Variants in PPM1K observed in about 807,000 individuals in gnomAD.
The protein encoded by PPM1K is protein phosphatase, Mg2+/Mn2+ dependent 1K.
Under a neutral mutation model 32.6 loss-of-function variants are expected in PPM1K, and 19 were observed. The ratio of observed to expected loss-of-function variants is 0.58; its 90% CI spans 0.41 to 0.86. PPM1K has a LOEUF of 0.86. Ranked by LOEUF, PPM1K falls within the 40% of genes least tolerant of loss-of-function variation. PPM1K has a pLI of 0.00. For missense variants in PPM1K, 362 were observed against 461.2 expected (o/e 0.78, Z 1.97); for synonymous variants, 159 against 165.3 (o/e 0.96, Z 0.29).
chr4:88,279,846 T>C (rs1199269085), intron 1 of PPM1K: 1 of 152,246 alleles, frequency 6.6e-6, no homozygotes, highest in East Asian at 1.9e-4. Flanking sequence ...TAGTATATTA[T>C]TCTCAATCTT....
At chr4:88,277,102 T>A in intron 3 of PPM1K, 41 bp downstream of exon 3, 8 of 1,430,174 alleles carry the variant, frequency 5.6e-6, no homozygotes, top group South Asian at 1.1e-5. Flanking sequence ...CCCCACCCCA[T>A]GTACTCCCTA....
At position 88,278,164 on chromosome 4, in the gene PPM1K, G is replaced by C. The variant is rs1394540204; in HGVS notation, c.420C>G (p.Thr140=). ...GGPAAADFCH[T]HMEKCIMDLL... ...CATACATAATACATTTCTCCATGTG[G>C]GTATGACAGAAATCAGCTGCTGCAG... Residue 140 remains threonine (T), a synonymous_variant, in exon 2 of 7, where the codon ACC becomes ACG. Transcript: ENST00000608933. The surrounding 1 kb of genome is among the most constrained non-coding windows in gnomAD (Gnocchi z 4.2). 2 of 1,613,666 alleles carry C rather than the reference G, an allele frequency of 1.2e-6. No individual in the cohort carries two copies. The highest frequency in any genetic ancestry group is 1.1e-5 in the South Asian group (1 of 91,066).
intron 1 of PPM1K, among the ~76,000 whole-genome samples, chr4:88,280,392 G>A (rs1366306614): frequency 6.6e-6 from 1 of 152,226 alleles, no homozygotes; most frequent in African/African-American, 2.4e-5. Context: ...TGCATAGAAG[G>A]CTGAAATTCA....
At chr4:88,283,806 C>T (rs914364382) in intron 1 of PPM1K, 1 of 152,390 alleles carries the variant, frequency 6.6e-6, no homozygotes, top group Non-Finnish European at 1.5e-5. Flanking sequence ...GGCCTCGGCT[C>T]GCTGGCCCTG....
chr4:88,262,753 A>G, intron 6 of PPM1K, 27 bp from the exon 7 acceptor site: 2 of 1,586,308 alleles, frequency 1.3e-6, no homozygotes, highest in South Asian at 2.3e-5. Flanking sequence ...GAAGAAAGAG[A>G]AAAACATTGG....
intron 5 of PPM1K, among the ~76,000 whole-genome samples, chr4:88,265,393 A>T (rs570702258): frequency 6.6e-6 from 1 of 152,294 alleles, no homozygotes; most frequent in Admixed American, 6.5e-5. Flanking sequence ...CATAATAGTG[A>T]AGTCTCACAA....
Position 88,278,172 on chromosome 4 carries a change from A to G in PPM1K, c.412T>C (p.Cys138Arg). The change falls in exon 2 of 7, where the codon TGT (cysteine) becomes CGT (arginine). Residue 138 changes from cysteine to arginine, a missense_variant. Coordinates refer to ENST00000608933, the MANE Select transcript of PPM1K (RefSeq NM_152542.5). The surrounding 1 kb of genome is among the most constrained non-coding windows in gnomAD (Gnocchi z 4.2). ...ATACATTTCTCCATGTGGGTATGAC[A>G]GAAATCAGCTGCTGCAGGTCCACCG... ...GHGGPAAADF[C>R]HTHMEKCIMD... 6.2e-7 allele frequency: 1 copy of G among 1,614,030 alleles called. No homozygotes were observed. The highest frequency in any genetic ancestry group is 8.5e-7 in the Non-Finnish European group (1 of 1,179,888).
At chr4:88,271,022 A>G in intron 3 of PPM1K, 1 of 509,324 alleles carries the variant, frequency 2.0e-6, no homozygotes, top group South Asian at 1.4e-5. Context: ...ACTGCAAGTC[A>G]TCTCAACTAA....
Position 88,268,222 on chromosome 4 carries a change from C to T in PPM1K, c.820G>A (p.Val274Ile). 1 of 1,614,164 alleles carries T rather than the reference C, an allele frequency of 6.2e-7. No individual in the cohort carries two copies. The highest frequency in any genetic ancestry group is 8.5e-7 in the Non-Finnish European group (1 of 1,180,016). Residue 274 changes from valine to isoleucine, a missense_variant, in exon 5 of 7, where the codon GTC (valine) becomes ATC (isoleucine). Coordinates refer to ENST00000608933, the MANE Select transcript of PPM1K (RefSeq NM_152542.5). ...CTCTTAGTTTCAGGTTCTGCTATGA[C>T]ACCACTGGTCTTAAGGTCCAAATCT... The part of the protein sequence containing the change: ...IGDLDLKTSG[V>I]IAEPETKRIK...
At chr4:88,270,170 T>G (rs1731499182) in intron 3 of PPM1K, among the ~76,000 whole-genome samples, 3 of 152,194 alleles carry the variant, frequency 2.0e-5, no homozygotes, top group Non-Finnish European at 4.4e-5. Flanking sequence ...AAAAGATAAT[T>G]TTGAAAACTT....
rs1330995912 is a variant in PPM1K, at chr4:88,261,693, T to C, written c.*902A>G. On this transcript the variant is annotated 3_prime_UTR_variant, in exon 7 of 7. Coordinates refer to ENST00000608933, the MANE Select transcript of PPM1K (RefSeq NM_152542.5). ...ATCATCTGAATTAATTTCTTTTCTT[T>C]CTTTTTTTTTTTTTTTTTGAGATGG... The C allele has an allele frequency of 1.3e-5, 2 of 150,500 alleles. No individual in the cohort carries two copies. Among genetic ancestry groups the C allele is most frequent in the Non-Finnish European group, 3.0e-5 (2 of 67,664 alleles). 9.3% of individuals were successfully genotyped at this position (150,500 alleles called of 1,614,324 possible). A position where few individuals can be genotyped will look rare whatever the true frequency, so the allele number is the denominator to read the frequency against.
intron 3 of PPM1K, 48 bp downstream of exon 3, chr4:88,277,095 C>A (rs2110169711): frequency 1.4e-6 from 2 of 1,406,350 alleles, no homozygotes; most frequent in South Asian, 1.2e-5. Flanking sequence ...ACTCCTCCCC[C>A]ACCCCATGTA....
chr4:88,284,024 G>A (rs959177299), intron 1 of PPM1K: 1 of 152,328 alleles, frequency 6.6e-6, no homozygotes, highest in Non-Finnish European at 1.5e-5. Flanking sequence ...CTCGCTTCCG[G>A]GGCCTCGGGC....
chr4:88,262,458 G>T lies in PPM1K; in HGVS notation c.*137C>A. 1 of 868,414 alleles carries T rather than the reference G, an allele frequency of 1.2e-6. No individual in the cohort carries two copies. The allele number at this position is 868,414 out of a possible 1,614,324, so 53.8% of individuals were successfully genotyped here. A position where few individuals can be genotyped will look rare whatever the true frequency, so the allele number is the denominator to read the frequency against. ...GAACATAAATATGATGAGCATTTAT[G>T]AAAAAACTACTATCTAAGTGGTTTA... On this transcript the variant is annotated 3_prime_UTR_variant, in exon 7 of 7. Transcript: ENST00000608933.
intron 1 of PPM1K, among the ~76,000 whole-genome samples, chr4:88,280,992 T>G (rs963423379): frequency 6.6e-6 from 1 of 152,146 alleles, no homozygotes; most frequent in Non-Finnish European, 1.5e-5. Flanking sequence ...TAAAAAAAAT[T>G]TAAAAACCCA....
chr4:88,275,150 TTAAA>T, intron 3 of PPM1K: 1 of 540,536 alleles, frequency 1.9e-6, no homozygotes, highest in Admixed American at 6.4e-5. Flanking sequence ...AGGAATTAAA[TTAAA>T]TAATGCATTT....
At position 88,262,300 on chromosome 4, in the gene PPM1K, G is replaced by C. The variant is rs1731147897; in HGVS notation, c.*295C>G. 5.1e-6 allele frequency: 1 copy of C among 196,528 alleles called. No homozygotes were observed. Among genetic ancestry groups the C allele is most frequent in the African/African-American group, 2.3e-5 (1 of 43,066 alleles). 12.2% of individuals were successfully genotyped at this position (196,528 alleles called of 1,614,324 possible). On this transcript the variant is annotated 3_prime_UTR_variant, in exon 7 of 7. Coordinates refer to ENST00000608933, the MANE Select transcript of PPM1K (RefSeq NM_152542.5). ...TCAAAAGAAACCCATAGCTGCCTAA[G>C]AGTCTTAAAAATTATTAATGTGACA...
Position 88,279,963 on chromosome 4 carries a change from T to C in PPM1K, c.-59-1321A>G, listed in dbSNP as rs150602450. Reference sequence around the variant, plus strand: ...CAGCTTGAGTGCAGTTATGAGAAAATGCACTACAGATTTCAAACAATTACT... The same window carrying C: ...CAGCTTGAGTGCAGTTATGAGAAAACGCACTACAGATTTCAAACAATTACT... On this transcript the variant is annotated intron_variant, in intron 1 of 6. Coordinates refer to ENST00000608933, the MANE Select transcript of PPM1K (RefSeq NM_152542.5). 5.3e-4 allele frequency among the ~76,000 whole-genome samples: 80 copies of C among 152,194 alleles called. No individual in the cohort carries two copies. In the East Asian group the frequency reaches 0.012, roughly 22 times the overall value.
In PPM1K at chr4:88,278,899, G is replaced by A; in HGVS notation, c.-59-257C>T. On this transcript the variant is annotated intron_variant, in intron 1 of 6. Coordinates refer to ENST00000608933, the MANE Select transcript of PPM1K (RefSeq NM_152542.5). This position sits in a 1 kb window ranked among gnomAD's most constrained non-coding sequence, Gnocchi z 4.2. ...AATCGATTTTCCTACCGCATTCACA[G>A]CATTTAAATTCTATAAAAATTTAAC... 1.4e-5 allele frequency: 4 copies of A among 289,886 alleles called. No individual in the cohort carries two copies. Among genetic ancestry groups the A allele is most frequent in the Non-Finnish European group, 2.6e-5 (4 of 153,042 alleles). The allele number at this position is 289,886 out of a possible 1,614,324, so 18.0% of individuals were successfully genotyped here.
Sources: gnomAD v4.1 joint callset for allele counts (sites outside exome capture counted in the v4.1 genomes callset) on GRCh38, gnomAD v4.1.1 for gene constraint, Gnocchi (gnomAD v3.1) non-coding constraint, MANE v1.5 for transcripts, NCBI Gene and HGNC (gene_info 2026-07-23, HGNC 2026-07-21) for gene names.